The following CHAF1A variants were observed in gnomAD, a reference collection of about 807,000 sequenced individuals.
The protein encoded by CHAF1A is chromatin assembly factor 1 subunit A, also known as CAF-1 subunit A.
In CHAF1A, 5 loss-of-function variants were observed where a neutral mutation model predicts 93.2. That is an observed-to-expected ratio of 0.05 (90% confidence interval 0.03 to 0.11). The LOEUF is 0.11. Among genes scored for constraint, CHAF1A ranks in the 10% least tolerant of loss-of-function variants. The pLI, the probability that CHAF1A is intolerant of heterozygous loss-of-function variation, is 1.00. For synonymous variants in CHAF1A, 504 were observed against 510.3 expected, an observed-to-expected ratio of 0.99 and a Z score of 0.17; for missense variants, 1,102 against 1,259.9, an observed-to-expected ratio of 0.87 and a Z score of 1.90.
downstream of CHAF1A, chr19:4,448,456 C>G: frequency 6.6e-7 from 1 of 1,518,410 alleles, no homozygotes; most frequent in Non-Finnish European, 9.0e-7. Flanking sequence ...ACTGAGAGCC[C>G]GGGCCGCACG....
intron 3 of CHAF1A, among the ~76,000 whole-genome samples, chr19:4,410,001 C>T (rs1461594809): frequency 6.6e-6 from 1 of 152,224 alleles, no homozygotes; most frequent in Non-Finnish European, 1.5e-5. Flanking sequence ...GAATAACACC[C>T]TGCTGTTTTG....
downstream of CHAF1A, chr19:4,449,131 A>T (rs117607603): frequency 5.1e-3 from 777 of 152,766 alleles, 2 homozygotes; most frequent in Non-Finnish European, 8.7e-3. Flanking sequence ...ACGTACCCTA[A>T]GACCTGGAAA....
Position 4,402,721 on chromosome 19 carries a change from C to G in CHAF1A, c.-42C>G, listed in dbSNP as rs933350913. The G allele has an allele frequency of 3.4e-6, 4 of 1,178,898 alleles. No individual in the cohort carries two copies. The African/African-American group carries it at 6.4e-5, about 19-fold the overall frequency. The allele number at this position is 1,178,898 out of a possible 1,614,324, so 73.0% of individuals were successfully genotyped here. A position where few individuals can be genotyped will look rare whatever the true frequency, so the allele number is the denominator to read the frequency against. On this transcript the variant is annotated 5_prime_UTR_variant, in exon 1 of 15. Transcript: ENST00000301280. ...GCAGCGGCCGCCTGAGGGGAGCCCG[C>G]GCCTCCGCCGCCTGAGAGGAGGTCG...
At chr19:4,426,247 A>G (rs989652231) in intron 7 of CHAF1A, among the ~76,000 whole-genome samples, 1 of 149,546 alleles carries the variant, frequency 6.7e-6, no homozygotes, top group Non-Finnish European at 1.5e-5. Flanking sequence ...GGCTCACTGC[A>G]AGCTCCACCT....
chr19:4,423,862 A>G lies in CHAF1A; in HGVS notation c.1365A>G (p.Pro455=). The part of the protein sequence containing the change: ...ITRFFQKPKT[P]QAPKTLAGSC... ...GGTTCTTCCAGAAACCAAAGACTCC[A>G]CAGGCCCCCAAGGTGAGCAGCCGGC... The change falls in exon 7 of 15, where the codon CCA becomes CCG. Residue 455 remains proline (P), a synonymous_variant. Transcript: ENST00000301280. 1.2e-6 allele frequency: 2 copies of G among 1,614,060 alleles called. No individual in the cohort carries two copies. The highest frequency in any genetic ancestry group is 1.7e-5 in the Admixed American group (1 of 60,006).
chr19:4,429,872 C>A (rs1974149916), intron 10 of CHAF1A, 84 bp downstream of exon 10: 3 of 1,232,266 alleles, frequency 2.4e-6, no homozygotes, highest in Admixed American at 2.1e-5. Context: ...AGGATGCAGC[C>A]CAGCTGTGTT....
At chr19:4,405,109 T>C (rs243341) in intron 1 of CHAF1A, among the ~76,000 whole-genome samples, 50,021 of 152,046 alleles carry the variant, frequency 0.33, 8,723 homozygotes, top group East Asian at 0.6. Context: ...CATTCCACTT[T>C]CATTTCATGA....
In CHAF1A at chr19:4,422,943, C is replaced by T; in HGVS notation, c.1247+148C>T. On this transcript the variant is annotated intron_variant, in intron 5 of 14. Coordinates refer to ENST00000301280, the MANE Select transcript of CHAF1A (RefSeq NM_005483.3). This position sits in a 1 kb window ranked among gnomAD's most constrained non-coding sequence, Gnocchi z 4.6. ...TCTCCTTCGTGAGGTGCCCGTGGGGCCCTGACGTGGGAGCGGTGGAAAGCA... is the reference window on the plus strand; with the variant it reads ...TCTCCTTCGTGAGGTGCCCGTGGGGTCCTGACGTGGGAGCGGTGGAAAGCA... 1 of 794,908 alleles carries T rather than the reference C, an allele frequency of 1.3e-6. No homozygotes were observed. The highest frequency in any genetic ancestry group is 2.8e-5 in the Admixed American group (1 of 35,214). 49.2% of individuals were successfully genotyped at this position (794,908 alleles called of 1,614,324 possible). A position where few individuals can be genotyped will look rare whatever the true frequency, so the allele number is the denominator to read the frequency against.
At chr19:4,421,966 T>C (rs1973997752) in intron 4 of CHAF1A, among the ~76,000 whole-genome samples, 1 of 151,704 alleles carries the variant, frequency 6.6e-6, no homozygotes, top group South Asian at 2.1e-4. Context: ...CCCAGCCTCC[T>C]GAGTAGCTGG....
intron 13 of CHAF1A, among the ~76,000 whole-genome samples, chr19:4,439,179 C>T (rs923242238): frequency 1.3e-4 from 20 of 151,124 alleles, no homozygotes; most frequent in Admixed American, 1.3e-3. Context: ...ACTCAGGAAG[C>T]CGAGGCAGGA....
intron 7 of CHAF1A, among the ~76,000 whole-genome samples, chr19:4,424,894 C>T (rs1196903835): frequency 1.3e-5 from 2 of 152,220 alleles, no homozygotes; most frequent in East Asian, 3.8e-4. Flanking sequence ...CTCAGCCTCC[C>T]GAAGTGCCGG....
chr19:4,434,271 A>G (rs1482091052), intron 13 of CHAF1A, among the ~76,000 whole-genome samples: 1 of 152,254 alleles, frequency 6.6e-6, no homozygotes, highest in Middle Eastern at 3.4e-3. Flanking sequence ...ACTGGAGCCT[A>G]GGAGATTGAG....
At chr19:4,425,493 A>G (rs956327788) in intron 7 of CHAF1A, among the ~76,000 whole-genome samples, 1 of 152,044 alleles carries the variant, frequency 6.6e-6, no homozygotes, top group Non-Finnish European at 1.5e-5. Flanking sequence ...ACCTCAGATG[A>G]TCTGCCCATC....
intron 3 of CHAF1A, among the ~76,000 whole-genome samples, chr19:4,410,979 G>A (rs748445449): frequency 6.6e-6 from 1 of 152,074 alleles, no homozygotes; most frequent in Non-Finnish European, 1.5e-5. Flanking sequence ...CGAGTCCCAC[G>A]GTGTTTAGTG....
At chr19:4,428,214 A>G (rs1447847019) in intron 7 of CHAF1A, among the ~76,000 whole-genome samples, 1 of 146,964 alleles carries the variant, frequency 6.8e-6, no homozygotes, top group Non-Finnish European at 1.5e-5. Context: ...CTGGTCTCGA[A>G]CTCCTGACCT....
chr19:4,440,889 G>C (rs945048986), intron 13 of CHAF1A, among the ~76,000 whole-genome samples: 8 of 152,082 alleles, frequency 5.3e-5, no homozygotes, highest in African/African-American at 1.9e-4. Flanking sequence ...GGAGGCTGAC[G>C]TGGGCGAATC....
In CHAF1A at chr19:4,432,071, G is replaced by A; in HGVS notation, c.2067G>A (p.Val689=). ...TGCAACCTGTGAAGATCGGCTGCGT[G>A]TGGGCGGCTGACAGAGACTGCGCAG... ...RVLQPVKIGC[V]WAADRDCAGD... Residue 689 remains valine (V), a synonymous_variant, in exon 12 of 15, where the codon GTG becomes GTA. Coordinates refer to ENST00000301280, the MANE Select transcript of CHAF1A (RefSeq NM_005483.3). 1 of 1,614,082 alleles carries A rather than the reference G, an allele frequency of 6.2e-7. No individual in the cohort carries two copies. Among genetic ancestry groups the A allele is most frequent in the Non-Finnish European group, 8.5e-7 (1 of 1,180,020 alleles).
At chr19:4,445,542 T>G (rs368206089), downstream of CHAF1A, 245 of 1,613,788 alleles carry the variant, frequency 1.5e-4, no homozygotes, top group Non-Finnish European at 1.9e-4. Context: ...GGTTTCAGGA[T>G]GGAGTCCGGC....
At chr19:4,408,414 G>T (rs1027585099) in intron 2 of CHAF1A, among the ~76,000 whole-genome samples, 1 of 138,246 alleles carries the variant, frequency 7.2e-6, no homozygotes, top group Non-Finnish European at 1.5e-5. Context: ...GGATGGTCTC[G>T]ATCTCCTGAC....
Sources: gnomAD v4.1 joint callset for allele counts (sites outside exome capture counted in the v4.1 genomes callset) on GRCh38, gnomAD v4.1.1 for gene constraint, Gnocchi (gnomAD v3.1) non-coding constraint, MANE v1.5 for transcripts, NCBI Gene and HGNC (gene_info 2026-07-23, HGNC 2026-07-21) for gene names.